Variants in PDE4D observed in about 807,000 individuals in gnomAD.
The protein encoded by PDE4D is 3',5'-cyclic-AMP phosphodiesterase 4D.
Under a neutral mutation model 87.4 loss-of-function variants are expected in PDE4D, and 24 were observed. The ratio of observed to expected loss-of-function variants is 0.27; its 90% CI spans 0.20 to 0.39. The LOEUF is 0.39. Ranked by LOEUF, PDE4D falls within the 10% of genes least tolerant of loss-of-function variation. The pLI is 1.00. For missense variants in PDE4D, 714 were observed against 1,041.0 expected, an observed-to-expected ratio of 0.69 and a Z score of 4.32; for synonymous variants, 384 against 383.2, an observed-to-expected ratio of 1.00 and a Z score of -0.02.
At chr5:59,413,313 C>T (rs926412714) in intron 1 of PDE4D, among the ~76,000 whole-genome samples, 1 of 151,840 alleles carries the variant, frequency 6.6e-6, no homozygotes, top group African/African-American at 2.4e-5. Context: ...AAAAAATTAG[C>T]CGGGCGTAGT....
intron 1 of PDE4D, chr5:59,314,928 T>G (rs961567051): frequency 6.6e-6 from 1 of 152,150 alleles, no homozygotes; most frequent in African/African-American, 2.4e-5. Flanking sequence ...GGAGGATCCC[T>G]GGAGAATCTC....
intron 1 of PDE4D, among the ~76,000 whole-genome samples, chr5:60,221,787 CT>C (rs1329419100): frequency 2.0e-5 from 3 of 152,084 alleles, no homozygotes; most frequent in African/African-American, 7.2e-5. Flanking sequence ...TAGTAGTTCT[CT>C]TTTATCACTG....
chr5:59,270,856 C>A (rs1763683224), intron 1 of PDE4D, among the ~76,000 whole-genome samples: 1 of 152,092 alleles, frequency 6.6e-6, no homozygotes. Flanking sequence ...GTTACCCCAG[C>A]CTATGACCTT....
chr5:59,139,638 TA>T (rs1316626215), intron 5 of PDE4D, among the ~76,000 whole-genome samples: 4,968 of 151,446 alleles, frequency 0.033, 299 homozygotes, highest in African/African-American at 0.11. Context: ...CCAATTTTTT[TA>T]TTTTTTTTAT....
intron 11 of PDE4D, among the ~76,000 whole-genome samples, chr5:58,985,952 G>T (rs1474604479): frequency 6.6e-6 from 1 of 152,180 alleles, no homozygotes; most frequent in African/African-American, 2.4e-5. Flanking sequence ...TAATGCCCTG[G>T]GGCCCGGAAC....
chr5:60,370,463 G>T (rs1322921261), intron 1 of PDE4D, among the ~76,000 whole-genome samples: 2 of 152,146 alleles, frequency 1.3e-5, no homozygotes, highest in Admixed American at 6.5e-5. Context: ...CATGAAATTT[G>T]TGGGAAGATA....
chr5:60,131,351 C>T (rs1779561524), intron 2 of PDE4D, among the ~76,000 whole-genome samples: 1 of 152,126 alleles, frequency 6.6e-6, no homozygotes, highest in African/African-American at 2.4e-5. Context: ...AGATTTATAC[C>T]TTCCCTGTAT....
intron 1 of PDE4D, among the ~76,000 whole-genome samples, chr5:60,498,416 A>G (rs1357265010): frequency 6.6e-6 from 1 of 152,214 alleles, no homozygotes; most frequent in Non-Finnish European, 1.5e-5. Flanking sequence ...CCCAGAGTGT[A>G]AAACATTGAC....
At chr5:59,595,145 C>T (rs1356641345) in intron 1 of PDE4D, among the ~76,000 whole-genome samples, 4 of 152,116 alleles carry the variant, frequency 2.6e-5, no homozygotes, top group African/African-American at 9.7e-5. Flanking sequence ...GCTAAAATTG[C>T]TATTTGTAAT....
At chr5:59,978,876 A>T (rs1250849347) in intron 3 of PDE4D, among the ~76,000 whole-genome samples, 1 of 152,016 alleles carries the variant, frequency 6.6e-6, no homozygotes, top group Non-Finnish European at 1.5e-5. Flanking sequence ...CACCAGCAAA[A>T]TGTTTCTGAC....
At chr5:58,984,739 C>A (rs1343234086) in intron 11 of PDE4D, among the ~76,000 whole-genome samples, 2 of 152,130 alleles carry the variant, frequency 1.3e-5, no homozygotes, top group Non-Finnish European at 2.9e-5. Flanking sequence ...ATCTTTCTGC[C>A]CCAAACTTAG....
chr5:60,335,918 T>C (rs1200847048), intron 1 of PDE4D, among the ~76,000 whole-genome samples: 1 of 152,218 alleles, frequency 6.6e-6, no homozygotes, highest in African/African-American at 2.4e-5. Context: ...AGCACTAATA[T>C]GTCAAATAAT....
chr5:58,984,294 A>G (rs114864064), intron 11 of PDE4D, among the ~76,000 whole-genome samples: 1,699 of 152,292 alleles, frequency 0.011, 29 homozygotes, highest in African/African-American at 0.038. Context: ...CATAGCACTT[A>G]GTACCATCAC....
At chr5:59,633,434 C>T (rs1187231189) in intron 1 of PDE4D, among the ~76,000 whole-genome samples, 2 of 152,074 alleles carry the variant, frequency 1.3e-5, no homozygotes, top group East Asian at 1.9e-4. Context: ...GACACATAAT[C>T]GTGAGATTCA....
intron 1 of PDE4D, among the ~76,000 whole-genome samples, chr5:59,856,647 G>A (rs981102408): frequency 2.6e-5 from 4 of 152,146 alleles, no homozygotes; most frequent in African/African-American, 9.7e-5. Flanking sequence ...TTTGCATAAT[G>A]TGTCAAAGAA....
In PDE4D at chr5:59,668,845, GGAAGAAGAAGAAGAAGAAGAA is replaced by G. The variant is rs1208323931; in HGVS notation, c.455+224302_455+224322del. On this transcript the variant is annotated intron_variant, in intron 1 of 14. Transcript: ENST00000340635. The stretch of plus-strand genomic sequence containing the variant: ...AAGAAGAAGAAGAGGAAGAGGAAGA[GGAAGAAGAAGAAGAAGAAGAA>G]GAAGAAGAAGAAGAAGAAGAAGAAG... Among the ~76,000 whole-genome samples, 390 of 62,126 alleles carry G rather than the reference GGAAGAAGAAGAAGAAGAAGAA, an allele frequency of 6.3e-3. 2 individuals are homozygous for G. The highest frequency in any genetic ancestry group is 8.0e-3 in the Non-Finnish European group (252 of 31,608). The allele number at this position is 62,126 out of a possible 152,430, so 40.8% of individuals were successfully genotyped here.
At chr5:59,821,519 TTAA>T (rs1167930394) in intron 1 of PDE4D, among the ~76,000 whole-genome samples, 1 of 152,212 alleles carries the variant, frequency 6.6e-6, no homozygotes, top group African/African-American at 2.4e-5. Flanking sequence ...ATATTGTTAC[TTAA>T]TAGTTTTTGG....
At chr5:59,879,066 T>C (rs1184126638) in intron 1 of PDE4D, among the ~76,000 whole-genome samples, 1 of 151,700 alleles carries the variant, frequency 6.6e-6, no homozygotes. Context: ...GCCCGGCTAA[T>C]TTTGTGTGTG....
chr5:59,768,362 C>A (rs865968276), intron 1 of PDE4D: 1 of 1,598,324 alleles, frequency 6.3e-7, no homozygotes, highest in Non-Finnish European at 8.5e-7. Context: ...TTGGGAGAAA[C>A]CGATTTCCTC....
Sources: allele counts gnomAD v4.1 joint callset (sites outside exome capture counted in the v4.1 genomes callset), GRCh38; gene constraint gnomAD v4.1.1; transcripts MANE v1.5; gene names NCBI Gene and HGNC (gene_info 2026-07-23, HGNC 2026-07-21).